The following VPS52 variants were observed in gnomAD, a reference collection of about 807,000 sequenced individuals.
VPS52 encodes the protein VPS52 subunit of GARP complex, also known as vacuolar protein sorting-associated protein 52 homolog.
A neutral mutation model predicts 98.7 loss-of-function variants in VPS52; 56 were observed. The ratio of observed to expected loss-of-function variants is 0.57; its 90% CI spans 0.46 to 0.71. The LOEUF (loss-of-function observed/expected upper bound fraction) is 0.71, where lower values mean the gene tolerates loss of function less well. Among genes scored for constraint, VPS52 ranks in the 30% least tolerant of loss-of-function variants. The pLI is 0.00. For missense variants in VPS52, 742 were observed against 925.9 expected (o/e 0.80, Z 2.58); for synonymous variants, 348 against 346.4 (o/e 1.00, Z -0.05).
At chr6:33,255,462 CTTTTTT>C (rs9280383) in intron 17 of VPS52, among the ~76,000 whole-genome samples, 6 of 117,226 alleles carry the variant, frequency 5.1e-5, no homozygotes, top group Non-Finnish European at 6.9e-5. Context: ...CTACGCCTGG[CTTTTTT>C]TTTTTTTTTT....
In VPS52 at chr6:33,264,332, C is replaced by T. The variant is rs747311309; in HGVS notation, c.1524+42G>A. ...CAACCCCCACAATGATGCTTAGAGC[C>T]CTGCCTTTCAAGAACCCTTTGTTAC... is the stretch of plus-strand genomic sequence containing the variant. On this transcript the variant is annotated intron_variant, in intron 14 of 19. Coordinates refer to ENST00000445902, the MANE Select transcript of VPS52 (RefSeq NM_022553.6). 2.5e-6 allele frequency: 4 copies of T among 1,608,864 alleles called. No homozygotes were observed. In the East Asian group the frequency reaches 8.9e-5, roughly 36 times the overall value.
chr6:33,267,022 C>G lies in VPS52; in HGVS notation c.1125+166G>C, dbSNP rs1764410992. ...ATGCCCTTAAGTCAATGGTTCCCAGCTCTTTTCACATCACAGCAGGCTGGA... is the reference window on the plus strand; with the variant it reads ...ATGCCCTTAAGTCAATGGTTCCCAGGTCTTTTCACATCACAGCAGGCTGGA... On this transcript the variant is annotated intron_variant, in intron 11 of 19. Transcript: ENST00000445902. This position sits in a 1 kb window ranked among gnomAD's most constrained non-coding sequence, Gnocchi z 4.2. 6.6e-6 allele frequency among the ~76,000 whole-genome samples: 1 copy of G among 152,190 alleles called. No individual in the cohort carries two copies. The highest frequency in any genetic ancestry group is 2.4e-5 in the African/African-American group (1 of 41,434).
At chr6:33,271,404 G>A (rs1197183081) in intron 1 of VPS52, 182 bp downstream of exon 1, 1 of 860,556 alleles carries the variant, frequency 1.2e-6, no homozygotes, top group Non-Finnish European at 1.9e-6. Context: ...CCCAGAACAT[G>A]AGTTTCAGCC....
In VPS52 at chr6:33,267,144, T is replaced by C. The variant is rs188749637; in HGVS notation, c.1125+44A>G. 2 of 1,457,252 alleles carry C rather than the reference T, an allele frequency of 1.4e-6. No individual in the cohort carries two copies. The highest frequency in any genetic ancestry group is 1.8e-6 in the Non-Finnish European group (2 of 1,102,996). The allele number at this position is 1,457,252 out of a possible 1,614,324, so 90.3% of individuals were successfully genotyped here. On this transcript the variant is annotated intron_variant, in intron 11 of 19. Coordinates refer to ENST00000445902, the MANE Select transcript of VPS52 (RefSeq NM_022553.6). This position sits in a 1 kb window ranked among gnomAD's most constrained non-coding sequence, Gnocchi z 4.2. Reference sequence around the variant, plus strand: ...GAGGTCTGGCCTTCCCTCCCCACCGTGCTCAGAGCCTCTTTCGTGACTGAA... The same window carrying C: ...GAGGTCTGGCCTTCCCTCCCCACCGCGCTCAGAGCCTCTTTCGTGACTGAA...
chr6:33,267,865 C>T lies in VPS52; in HGVS notation c.933G>A (p.Gln311=), dbSNP rs1764527896. 2 of 1,613,094 alleles carry T rather than the reference C, an allele frequency of 1.2e-6. No homozygotes were observed. Among genetic ancestry groups the T allele is most frequent in the Non-Finnish European group, 1.7e-6 (2 of 1,180,032 alleles). Residue 311 remains glutamine, a splice_region_variant and synonymous_variant, in exon 9 of 20, where the codon CAG becomes CAA. Coordinates refer to ENST00000445902, the MANE Select transcript of VPS52 (RefSeq NM_022553.6). This position sits in a 1 kb window ranked among gnomAD's most constrained non-coding sequence, Gnocchi z 4.2. ...RSYLGRLMKV[Q]YEEVAEKDDL... is the part of the protein sequence containing the mutation. ...GAATACCTCTCCCTCCTGACCTTACCTGCACCTTCATGAGCCGCCCCAGGT... is the reference window on the plus strand; with the variant it reads ...GAATACCTCTCCCTCCTGACCTTACTTGCACCTTCATGAGCCGCCCCAGGT...
chr6:33,254,871 TCA>T (rs1762745250), intron 17 of VPS52: 1 of 151,904 alleles, frequency 6.6e-6, no homozygotes, highest in East Asian at 1.9e-4. Context: ...AGATGGGGTT[TCA>T]CCATGTTGTC....
At chr6:33,271,934 C>T (rs1765155136), upstream of VPS52, 2 of 1,052,540 alleles carry the variant, frequency 1.9e-6, no homozygotes, top group East Asian at 2.6e-5. Flanking sequence ...TAAAGAAAGG[C>T]GCACCGGAAG....
chr6:33,260,953 C>T (rs1023149952), intron 17 of VPS52, among the ~76,000 whole-genome samples: 16 of 151,286 alleles, frequency 1.1e-4, no homozygotes, highest in African/African-American at 3.4e-4. Context: ...GAGCTGACAT[C>T]GTATCGCTGC....
In VPS52 at chr6:33,267,986, T is replaced by C. The variant is rs199836089; in HGVS notation, c.812A>G (p.Gln271Arg). 43 of 1,612,928 alleles carry C rather than the reference T, an allele frequency of 2.7e-5. No homozygotes were observed. The highest frequency in any genetic ancestry group is 3.5e-5 in the Non-Finnish European group (41 of 1,180,032). ...TGCTCGTTCATTGCCCAGCAGAAACTGATAGAAGAACCTAGGGGGTCAGGA... is the reference window on the plus strand; with the variant it reads ...TGCTCGTTCATTGCCCAGCAGAAACCGATAGAAGAACCTAGGGGGTCAGGA... ...TALLKYRFFY[Q>R]FLLGNERATA... is the part of the protein sequence containing the mutation. Residue 271 changes from glutamine to arginine, a missense_variant, in exon 9 of 20, where the codon CAG becomes CGG. Transcript: ENST00000445902. The surrounding 1 kb of genome is among the most constrained non-coding windows in gnomAD (Gnocchi z 4.2).
intron 17 of VPS52, among the ~76,000 whole-genome samples, chr6:33,262,909 G>T (rs1489744963): frequency 6.6e-6 from 1 of 152,154 alleles, no homozygotes; most frequent in East Asian, 1.9e-4. Flanking sequence ...TGGGGAGAAG[G>T]TGGGGATGAT....
intron 17 of VPS52, among the ~76,000 whole-genome samples, chr6:33,262,974 C>G (rs1392712005): frequency 6.6e-6 from 1 of 151,998 alleles, no homozygotes; most frequent in Non-Finnish European, 1.5e-5. Flanking sequence ...TTTGACAGCA[C>G]AACAGGGTGA....
At chr6:33,270,910 C>T (rs1033524320) in intron 1 of VPS52, among the ~76,000 whole-genome samples, 7 of 142,426 alleles carry the variant, frequency 4.9e-5, no homozygotes, top group African/African-American at 1.6e-4. Context: ...AAGATCGCGC[C>T]ACTGCACTCC....
intron 12 of VPS52, among the ~76,000 whole-genome samples, chr6:33,265,898 GCT>G (rs1562564655): frequency 1.3e-5 from 2 of 151,854 alleles, no homozygotes; most frequent in African/African-American, 4.8e-5. Context: ...ATGGAGTCTC[GCT>G]CTGTCACCCA....
Position 33,255,462 on chromosome 6 carries a change from CTTTTTTTTT to C in VPS52, c.1795-3500_1795-3492del, listed in dbSNP as rs9280383. Reference sequence around the variant, plus strand: ...TACAAATGCATGCCACTACGCCTGGCTTTTTTTTTTTTTTTTTTTTTTTTTTAAAGAAAT... The same window carrying C: ...TACAAATGCATGCCACTACGCCTGGCTTTTTTTTTTTTTTTTTAAAGAAAT... On this transcript the variant is annotated intron_variant, in intron 17 of 19. Transcript: ENST00000445902. Among the ~76,000 whole-genome samples the C allele has an allele frequency of 1.3e-3, 148 of 117,212 alleles. 2 individuals are homozygous for C. Among genetic ancestry groups the C allele is most frequent in the East Asian group, 1.8e-3 (8 of 4,392 alleles). 76.9% of individuals were successfully genotyped at this position (117,212 alleles called of 152,430 possible). A position where few individuals can be genotyped will look rare whatever the true frequency, so the allele number is the denominator to read the frequency against.
chr6:33,264,744 C>T (rs213201), intron 13 of VPS52, 38 bp downstream of exon 13: 572,122 of 1,574,874 alleles, frequency 0.36, 107,046 homozygotes, highest in East Asian at 0.64. Context: ...CAAGAGAGTT[C>T]GTGGCCTGTT....
intron 17 of VPS52, among the ~76,000 whole-genome samples, chr6:33,256,886 T>G (rs73408065): frequency 0.044 from 6,690 of 150,954 alleles, 513 homozygotes; most frequent in African/African-American, 0.15. Flanking sequence ...GAAAAAGATT[T>G]TCTATAAATG....
At chr6:33,261,622 C>A (rs1249777701) in intron 17 of VPS52, among the ~76,000 whole-genome samples, 1 of 152,134 alleles carries the variant, frequency 6.6e-6, no homozygotes, top group African/African-American at 2.4e-5. Context: ...AATTATGAAA[C>A]TACTACAAGA....
At chr6:33,257,680 T>G (rs1004756501) in intron 17 of VPS52, among the ~76,000 whole-genome samples, 3 of 152,194 alleles carry the variant, frequency 2.0e-5, no homozygotes, top group Non-Finnish European at 2.9e-5. Flanking sequence ...ATTACAGGCG[T>G]GAGCCACCAC....
chr6:33,269,284 G>A, intron 5 of VPS52, 95 bp from the exon 6 acceptor site: 1 of 1,532,774 alleles, frequency 6.5e-7, no homozygotes, highest in Non-Finnish European at 8.9e-7. Flanking sequence ...GTATTTATCA[G>A]TCCTTGAGGG....
Sources: gnomAD v4.1 joint callset for allele counts (sites outside exome capture counted in the v4.1 genomes callset) on GRCh38, gnomAD v4.1.1 for gene constraint, Gnocchi (gnomAD v3.1) non-coding constraint, MANE v1.5 for transcripts, NCBI Gene and HGNC (gene_info 2026-07-23, HGNC 2026-07-21) for gene names.